IBTK: variants seen among roughly 807,000 people sequenced by gnomAD.
IBTK encodes BTK-binding protein.
Under a neutral mutation model 154.9 loss-of-function variants are expected in IBTK, and 83 were observed. That is an observed-to-expected ratio of 0.54 (90% CI 0.45 to 0.64). IBTK has a LOEUF of 0.64. IBTK is among the 30% of genes least tolerant of loss of function. IBTK has a pLI of 0.00. For synonymous variants in IBTK, 515 were observed against 536.1 expected, an observed-to-expected ratio of 0.96 and a Z score of 0.54; for missense variants, 1,332 against 1,584.6, an observed-to-expected ratio of 0.84 and a Z score of 2.71.
intron 22 of IBTK, 138 bp downstream of exon 22, chr6:82,196,160 C>A (rs1768978137): frequency 1.5e-6 from 1 of 666,142 alleles, no homozygotes; most frequent in Non-Finnish European, 2.4e-6. Context: ...TTTAAGAAAA[C>A]TAACACTATA....
intron 16 of IBTK, among the ~76,000 whole-genome samples, chr6:82,207,394 A>G (rs1166665339): frequency 1.3e-5 from 2 of 152,176 alleles, no homozygotes; most frequent in Non-Finnish European, 2.9e-5. Context: ...TGTACACTGA[A>G]AACTACAAAA....
At chr6:82,247,351 G>A (rs117693526) in intron 1 of IBTK, among the ~76,000 whole-genome samples, 2 of 152,212 alleles carry the variant, frequency 1.3e-5, no homozygotes, top group Non-Finnish European at 2.9e-5. Context: ...ATTAGCTGAG[G>A]GGGGCGGTAG....
At chr6:82,176,040 A>G (rs1768101070) in intron 26 of IBTK, among the ~76,000 whole-genome samples, 1 of 152,062 alleles carries the variant, frequency 6.6e-6, no homozygotes, top group South Asian at 2.1e-4. Context: ...AAAAAAAAAA[A>G]AAGATTTTTG....
intron 24 of IBTK, 92 bp downstream of exon 24, chr6:82,191,695 C>G (rs762644092): frequency 5.5e-4 from 451 of 827,404 alleles, no homozygotes; most frequent in Non-Finnish European, 8.5e-4. Context: ...ACATCAAATG[C>G]AGAAAAATAA....
At chr6:82,217,639 G>A (rs573579977) in intron 10 of IBTK, among the ~76,000 whole-genome samples, 33 of 152,150 alleles carry the variant, frequency 2.2e-4, no homozygotes, top group Non-Finnish European at 3.1e-4. Context: ...TGAAGAATAC[G>A]TTTATAATTT....
intron 13 of IBTK, among the ~76,000 whole-genome samples, chr6:82,212,338 G>T (rs1247602356): frequency 6.6e-6 from 1 of 152,066 alleles, no homozygotes; most frequent in African/African-American, 2.4e-5. Flanking sequence ...TTATTACTAA[G>T]AATTTTTTAT....
At chr6:82,229,992 T>A (rs6909088) in intron 4 of IBTK, among the ~76,000 whole-genome samples, 4 of 152,026 alleles carry the variant, frequency 2.6e-5, no homozygotes, top group Non-Finnish European at 5.9e-5. Flanking sequence ...TATGGAGCCC[T>A]AAATATAGTG....
intron 2 of IBTK, among the ~76,000 whole-genome samples, chr6:82,234,837 T>A (rs1407170896): frequency 6.6e-6 from 1 of 152,134 alleles, no homozygotes; most frequent in Non-Finnish European, 1.5e-5. Context: ...AATTAACATT[T>A]TAAATAAAAA....
At position 82,240,640 on chromosome 6, in the gene IBTK, A is replaced by C. The variant is rs1206735577; in HGVS notation, c.-154T>G. ...CCTCCTGACAATAGTATAAAACTAT[A>C]TATCTTTATACAATTTTTTGGCACT... On this transcript the variant is annotated 5_prime_UTR_variant, in exon 2 of 29. Coordinates refer to ENST00000306270, the MANE Select transcript of IBTK (RefSeq NM_015525.4). 2 of 590,720 alleles carry C rather than the reference A, an allele frequency of 3.4e-6. No homozygotes were observed. The highest frequency in any genetic ancestry group is 6.9e-5 in the Admixed American group (2 of 28,932). 36.6% of individuals were successfully genotyped at this position (590,720 alleles called of 1,614,324 possible).
Position 82,194,471 on chromosome 6 carries a change from A to T in IBTK, c.3338+8T>A. ...ACTAACAGTTATAGAATAAAATAAA[A>T]ATCCTACCTGAAAGAACCAGCAACC... On this transcript the variant is annotated splice_region_variant and intron_variant, in intron 23 of 28. Coordinates refer to ENST00000306270, the MANE Select transcript of IBTK (RefSeq NM_015525.4). The T allele has an allele frequency of 6.5e-7, 1 of 1,541,286 alleles. No homozygotes were observed. Among genetic ancestry groups the T allele is most frequent in the Non-Finnish European group, 8.7e-7 (1 of 1,146,364 alleles).
intron 1 of IBTK, among the ~76,000 whole-genome samples, chr6:82,243,807 G>C (rs1354261596): frequency 6.6e-6 from 1 of 152,050 alleles, no homozygotes; most frequent in African/African-American, 2.4e-5. Flanking sequence ...CTACTTACTG[G>C]TGAATCACTC....
intron 14 of IBTK, 26 bp downstream of exon 14, chr6:82,211,464 T>C (rs753388015): frequency 1.9e-6 from 3 of 1,605,780 alleles, no homozygotes; most frequent in East Asian, 4.5e-5. Context: ...AGCAAATAAA[T>C]CAGCAGCTTT....
Position 82,240,415 on chromosome 6 carries a change from C to G in IBTK, c.72G>C (p.Val24=), listed in dbSNP as rs779994515. The change falls in exon 2 of 29, where the codon GTG becomes GTC. Residue 24 remains valine, a synonymous_variant. Coordinates refer to ENST00000306270, the MANE Select transcript of IBTK (RefSeq NM_015525.4). The stretch of plus-strand genomic sequence containing the variant: ...TCTGGTTTTCGCTCCCCTTTGTTAC[C>G]ACAGAAAGGACATCCAAAGCATGCT... ...SLKHALDVLS[V]VTKGSENQIK... 3.1e-6 allele frequency: 5 copies of G among 1,614,092 alleles called. No individual in the cohort carries two copies. In the Admixed American group the frequency reaches 8.3e-5, roughly 27 times the overall value.
intron 13 of IBTK, 62 bp from the exon 14 acceptor site, chr6:82,211,634 A>G (rs1769648242): frequency 5.9e-6 from 8 of 1,362,858 alleles, no homozygotes; most frequent in South Asian, 1.2e-5. Flanking sequence ...GAAAAAGATT[A>G]TAGGATTTGG....
chr6:82,215,916 G>C (rs913415851), intron 11 of IBTK, among the ~76,000 whole-genome samples, 160 bp downstream of exon 11: 10 of 151,938 alleles, frequency 6.6e-5, no homozygotes, highest in African/African-American at 2.4e-4. Context: ...TTCTACCTCT[G>C]GATTATCTGT....
intron 26 of IBTK, chr6:82,173,657 G>C: frequency 4.3e-6 from 1 of 232,872 alleles, no homozygotes; most frequent in East Asian, 6.3e-5. Context: ...GCAAGAAATA[G>C]CCTATTTCTA....
intron 25 of IBTK, among the ~76,000 whole-genome samples, chr6:82,184,444 A>C (rs114129166): frequency 0.24 from 36,393 of 151,892 alleles, 4,340 homozygotes; most frequent in African/African-American, 0.28. Context: ...GCCACAAAGA[A>C]AAAGTATTCT....
Position 82,210,905 on chromosome 6 carries a change from G to A in IBTK, c.2418C>T (p.Ser806=). ...TTGGCATTTCCAGAGCTGCACAACT[G>A]GAAGCCTAAATAAAATAAGACAAAA... ...SMLSSSWIEA[S]SCAALEMPIH... The change falls in exon 16 of 29, where the codon TCC becomes TCT. Residue 806 remains serine, a synonymous_variant. Transcript: ENST00000306270. The A allele has an allele frequency of 1.3e-6, 2 of 1,532,508 alleles. No individual in the cohort carries two copies. The highest frequency in any genetic ancestry group is 1.3e-5 in the South Asian group (1 of 79,532). The allele number at this position is 1,532,508 out of a possible 1,614,324, so 94.9% of individuals were successfully genotyped here.
intron 8 of IBTK, among the ~76,000 whole-genome samples, chr6:82,220,979 C>CACACACACACACAT (rs1183065764): frequency 6.6e-6 from 1 of 150,846 alleles, no homozygotes; most frequent in Non-Finnish European, 1.5e-5. Flanking sequence ...CACACACACA[C>CACACACACACACAT]ATTAAATGCC....
Sources: allele counts gnomAD v4.1 joint callset (sites outside exome capture counted in the v4.1 genomes callset), GRCh38; gene constraint gnomAD v4.1.1; transcripts MANE v1.5; gene names NCBI Gene and HGNC (gene_info 2026-07-23, HGNC 2026-07-21).